Variants in FBXL20 observed in about 807,000 individuals in gnomAD.
FBXL20 encodes the protein F-box/LRR-repeat protein 20.
In FBXL20, 11 loss-of-function variants were observed where a neutral mutation model predicts 64.0. That is an observed-to-expected ratio of 0.17 (90% CI 0.11 to 0.28). The LOEUF is 0.28. Among genes scored for constraint, FBXL20 ranks in the 10% least tolerant of loss-of-function variants. FBXL20 has a pLI of 1.00. For synonymous variants in FBXL20, 184 were observed against 189.0 expected, an observed-to-expected ratio of 0.97 and a Z score of 0.22; for missense variants, 303 against 526.2, an observed-to-expected ratio of 0.58 and a Z score of 4.15.
intron 2 of FBXL20, among the ~76,000 whole-genome samples, chr17:39,328,657 G>C (rs141334302): frequency 6.6e-6 from 1 of 152,126 alleles, no homozygotes; most frequent in African/African-American, 2.4e-5. Context: ...TGGAAGTAAC[G>C]GTAAATTTAG....
intron 1 of FBXL20, among the ~76,000 whole-genome samples, chr17:39,386,848 T>G (rs2048086440): frequency 6.6e-6 from 1 of 152,200 alleles, no homozygotes; most frequent in African/African-American, 2.4e-5. Flanking sequence ...AGACTGATAT[T>G]GCATTGAATC....
At chr17:39,275,379 T>C (rs193109305) in intron 9 of FBXL20, among the ~76,000 whole-genome samples, 2 of 152,152 alleles carry the variant, frequency 1.3e-5, no homozygotes, top group African/African-American at 2.4e-5. Flanking sequence ...GGGTACATCA[T>C]AGTTTAGGTT....
rs146434484 is a variant in FBXL20 at position 39,363,161 on chromosome 17, C to T, written c.43-19920G>A. On this transcript the variant is annotated intron_variant, in intron 1 of 14. Transcript: ENST00000264658. ...GGGAGGCTGGGATTACAGGCATGTG[C>T]CACCACACCCAGCTAATTTTTTTTG... Among the ~76,000 whole-genome samples the T allele has an allele frequency of 2.6e-3, 392 of 152,086 alleles. 1 individual carries two copies. The highest frequency in any genetic ancestry group is 4.1e-3 in the Admixed American group (63 of 15,278).
chr17:39,324,858 AAT>A (rs1209357762), intron 2 of FBXL20, among the ~76,000 whole-genome samples: 3 of 152,196 alleles, frequency 2.0e-5, no homozygotes, highest in Non-Finnish European at 4.4e-5. Context: ...ATAAAAAATG[AAT>A]GTCAATGATG....
At chr17:39,280,542 G>C (rs1367768027) in intron 9 of FBXL20, among the ~76,000 whole-genome samples, 1 of 150,532 alleles carries the variant, frequency 6.6e-6, no homozygotes, top group African/African-American at 2.4e-5. Flanking sequence ...CCTTGAGCCT[G>C]GGTGACAGAG....
intron 2 of FBXL20, among the ~76,000 whole-genome samples, chr17:39,336,192 C>T (rs1222364199): frequency 6.6e-6 from 1 of 152,152 alleles, no homozygotes; most frequent in Admixed American, 6.6e-5. Context: ...TTATTGGTAA[C>T]TTGGCTGTAA....
intron 2 of FBXL20, among the ~76,000 whole-genome samples, chr17:39,315,135 G>A (rs2047273513): frequency 6.6e-6 from 1 of 151,936 alleles, no homozygotes; most frequent in Admixed American, 6.6e-5. Context: ...GTTTCGCCTT[G>A]TTGGCCAGGC....
chr17:39,325,827 T>C (rs2047403349), intron 2 of FBXL20, among the ~76,000 whole-genome samples: 1 of 151,982 alleles, frequency 6.6e-6, no homozygotes, highest in African/African-American at 2.4e-5. Flanking sequence ...AAGTTAACTA[T>C]CTGCTAAAAA....
chr17:39,256,320 C>CAAAAA lies in FBXL20; in HGVS notation c.*5135_*5139dup, dbSNP rs34975638. The CAAAAA allele has an allele frequency of 5.4e-5, 5 of 92,010 alleles. No homozygotes were observed. Among genetic ancestry groups the CAAAAA allele is most frequent in the African/African-American group, 1.2e-4 (3 of 25,326 alleles). 5.7% of individuals were successfully genotyped at this position (92,010 alleles called of 1,614,324 possible). A position where few individuals can be genotyped will look rare whatever the true frequency, so the allele number is the denominator to read the frequency against. ...TGGGTGACAGAGCGAGACTCCATGT[C>CAAAAA]AAAAAAAAAAAAAAAAAAAAGAAAT... is the stretch of plus-strand genomic sequence containing the variant. On this transcript the variant is annotated 3_prime_UTR_variant, in exon 15 of 15. Coordinates refer to ENST00000264658, the MANE Select transcript of FBXL20 (RefSeq NM_032875.3).
chr17:39,382,718 G>A lies in FBXL20; in HGVS notation c.42+18643C>T, dbSNP rs182168521. Among the ~76,000 whole-genome samples the A allele has an allele frequency of 2.8e-3, 420 of 151,992 alleles. 2 individuals carry two copies. Among genetic ancestry groups the A allele is most frequent in the African/African-American group, 9.7e-3 (403 of 41,462 alleles). Reference sequence around the variant, plus strand: ...TGCCCAGGTGTGGTGGCATGCACCTGTAGCGCAGCTACTCGGGAGGCTAAG... The same window carrying A: ...TGCCCAGGTGTGGTGGCATGCACCTATAGCGCAGCTACTCGGGAGGCTAAG... On this transcript the variant is annotated intron_variant, in intron 1 of 14. Coordinates refer to ENST00000264658, the MANE Select transcript of FBXL20 (RefSeq NM_032875.3).
chr17:39,394,519 T>A (rs2048164444), intron 1 of FBXL20, among the ~76,000 whole-genome samples: 1 of 151,714 alleles, frequency 6.6e-6, no homozygotes, highest in African/African-American at 2.4e-5. Context: ...CCTTGTGGTC[T>A]GCCCACCTCA....
rs764991857 is a variant in FBXL20, at chr17:39,256,550, T to C, written c.*4910A>G. ...AAAGATTCTAGGATTGGCAGGCAGATAGAGAGGCAATCTTTTTGTAAAATG... is the reference window on the plus strand; with the variant it reads ...AAAGATTCTAGGATTGGCAGGCAGACAGAGAGGCAATCTTTTTGTAAAATG... On this transcript the variant is annotated 3_prime_UTR_variant, in exon 15 of 15. Coordinates refer to ENST00000264658, the MANE Select transcript of FBXL20 (RefSeq NM_032875.3). 1 of 152,134 alleles carries C rather than the reference T, an allele frequency of 6.6e-6. No homozygotes were observed. Among genetic ancestry groups the C allele is most frequent in the Non-Finnish European group, 1.5e-5 (1 of 68,020 alleles). 9.4% of individuals were successfully genotyped at this position (152,134 alleles called of 1,614,324 possible).
At chr17:39,381,922 C>T (rs2048027632) in intron 1 of FBXL20, among the ~76,000 whole-genome samples, 1 of 151,464 alleles carries the variant, frequency 6.6e-6, no homozygotes, top group Non-Finnish European at 1.5e-5. Context: ...TGGTGAAACC[C>T]CCTCTCTGCT....
intron 11 of FBXL20, among the ~76,000 whole-genome samples, chr17:39,269,990 G>A (rs565678935): frequency 2.3e-4 from 35 of 152,194 alleles, no homozygotes; most frequent in African/African-American, 8.2e-4. Context: ...AAAAGCAAAC[G>A]ACCATCCCCT....
At chr17:39,338,033 G>A (rs964064551) in intron 2 of FBXL20, among the ~76,000 whole-genome samples, 1 of 152,208 alleles carries the variant, frequency 6.6e-6, no homozygotes, top group African/African-American at 2.4e-5. Flanking sequence ...CCGTCTGGGA[G>A]CTGTACCCAA....
chr17:39,317,157 T>C (rs972317313), intron 2 of FBXL20, among the ~76,000 whole-genome samples: 8 of 152,080 alleles, frequency 5.3e-5, no homozygotes, highest in Admixed American at 6.5e-5. Flanking sequence ...ACGAAAAAAA[T>C]TGATTCTGAA....
intron 2 of FBXL20, among the ~76,000 whole-genome samples, chr17:39,333,629 C>T (rs1295941231): frequency 6.6e-6 from 1 of 152,046 alleles, no homozygotes; most frequent in Admixed American, 6.6e-5. Flanking sequence ...TGAGGAGACC[C>T]TCTGCCCGGC....
At chr17:39,276,372 G>A (rs1002527960) in intron 9 of FBXL20, among the ~76,000 whole-genome samples, 7 of 149,346 alleles carry the variant, frequency 4.7e-5, no homozygotes, top group Non-Finnish European at 1.0e-4. Flanking sequence ...GAAGGAGGGA[G>A]GGAGGGAAGT....
chr17:39,314,545 G>C (rs1205741785), intron 2 of FBXL20, among the ~76,000 whole-genome samples: 1 of 151,884 alleles, frequency 6.6e-6, no homozygotes, highest in Admixed American at 6.6e-5. Context: ...ATATATAGTA[G>C]AGACAGAGTT....
Sources: gnomAD v4.1 joint callset for allele counts (sites outside exome capture counted in the v4.1 genomes callset) on GRCh38, gnomAD v4.1.1 for gene constraint, MANE v1.5 for transcripts, NCBI Gene and HGNC (gene_info 2026-07-23, HGNC 2026-07-21) for gene names.